The following MOV10L1 variants were observed in gnomAD, a reference collection of about 807,000 sequenced individuals.
The protein encoded by MOV10L1 is Mov10 like RNA helicase 1.
MOV10L1 carries 110 observed loss-of-function variants against 143.8 expected under a neutral mutation model. That is an observed-to-expected ratio of 0.76 (90% CI 0.66 to 0.90). MOV10L1 has a LOEUF of 0.90. Ranked by LOEUF, MOV10L1 falls within the 40% of genes least tolerant of loss-of-function variation. The probability of loss-of-function intolerance (pLI) is 0.00; values close to 1 mark genes in which losing one functional copy is unlikely to be tolerated. For missense variants in MOV10L1, 1,406 were observed against 1,526.8 expected (o/e 0.92, Z 1.32); for synonymous variants, 593 against 581.1 (o/e 1.02, Z -0.29).
At chr22:50,092,336 G>A in intron 2 of MOV10L1, 151 bp downstream of exon 2, 1 of 735,102 alleles carries the variant, frequency 1.4e-6, no homozygotes, top group Non-Finnish European at 2.2e-6. Context: ...TATGATTTAT[G>A]TTTTAAAAAA....
At chr22:50,133,029 C>T (rs915564336) in intron 13 of MOV10L1, among the ~76,000 whole-genome samples, 2 of 143,750 alleles carry the variant, frequency 1.4e-5, no homozygotes, top group South Asian at 2.3e-4. Context: ...AGCAAGCCTC[C>T]GTCTGAAAAA....
At chr22:50,099,816 A>T (rs1368944757) in intron 3 of MOV10L1, among the ~76,000 whole-genome samples, 7 of 152,006 alleles carry the variant, frequency 4.6e-5, no homozygotes, top group Non-Finnish European at 1.0e-4. Context: ...CTGTGTCTAT[A>T]TTTGTGATGG....
rs535707358 is a variant in MOV10L1 at position 50,147,245 on chromosome 22, G to A, written c.2627+1435G>A. The A allele has an allele frequency of 7.7e-3, 4,416 of 571,010 alleles. 105 individuals are homozygous for A. The highest frequency in any genetic ancestry group is 0.011 in the Non-Finnish European group (3,346 of 313,966). The allele number at this position is 571,010 out of a possible 1,614,324, so 35.4% of individuals were successfully genotyped here. On this transcript the variant is annotated intron_variant, in intron 19 of 26. Coordinates refer to ENST00000262794, the MANE Select transcript of MOV10L1 (RefSeq NM_018995.3). The stretch of plus-strand genomic sequence containing the variant: ...TGCTGCAGGCCGCTCTCTCAGAGGC[G>A]CTCTGTGCAGAAGCAGGGAGGGTGC...
At chr22:50,133,795 C>G (rs111384205) in intron 13 of MOV10L1, among the ~76,000 whole-genome samples, 1 of 152,090 alleles carries the variant, frequency 6.6e-6, no homozygotes, top group African/African-American at 2.4e-5. Flanking sequence ...CCACCCACCT[C>G]GGCCTCCCAA....
At chr22:50,099,357 A>G (rs1317843762) in intron 2 of MOV10L1, 86 bp from the exon 3 acceptor site, 4 of 1,491,192 alleles carry the variant, frequency 2.7e-6, no homozygotes, top group Non-Finnish European at 3.6e-6. Context: ...TGCAGCCCTA[A>G]TGGTCTCAGA....
intron 3 of MOV10L1, among the ~76,000 whole-genome samples, chr22:50,103,957 G>T (rs1445407986): frequency 6.6e-6 from 1 of 152,080 alleles, no homozygotes; most frequent in Non-Finnish European, 1.5e-5. Flanking sequence ...AATTTATAAG[G>T]AAATAATTAT....
chr22:50,144,243 G>T lies in MOV10L1; in HGVS notation c.2505G>T (p.Glu835Asp). The part of the protein sequence containing the change: ...VRVNATCRFE[E>D]IVIDAVKPYC... ...TGAACGCCACCTGCAGGTTCGAGGAGGTGAGCCCTTGGTGCAAGCAGTGGG... is the reference window on the plus strand; with the variant it reads ...TGAACGCCACCTGCAGGTTCGAGGATGTGAGCCCTTGGTGCAAGCAGTGGG... The change falls in exon 18 of 27, where the codon GAG becomes GAT. Residue 835 changes from glutamate (E) to aspartate (D), a missense_variant and splice_region_variant. By Grantham distance (45) the Glu-to-Asp change is conservative. Around this residue, in one of 3 missense-constraint regions of MOV10L1, gnomAD observed 1,233 missense variants for 1,351.4 expected, o/e 0.91. Coordinates refer to ENST00000262794, the MANE Select transcript of MOV10L1 (RefSeq NM_018995.3). 6.3e-7 allele frequency: 1 copy of T among 1,596,714 alleles called. No individual in the cohort carries two copies. Among genetic ancestry groups the T allele is most frequent in the Non-Finnish European group, 8.6e-7 (1 of 1,167,216 alleles).
intron 13 of MOV10L1, among the ~76,000 whole-genome samples, chr22:50,132,134 C>T (rs977459574): frequency 4.6e-5 from 7 of 152,238 alleles, no homozygotes; most frequent in African/African-American, 1.4e-4. Flanking sequence ...CTCAACTCCT[C>T]ATACCCAGTA....
At chr22:50,146,641 G>T (rs1384033460) in intron 19 of MOV10L1, among the ~76,000 whole-genome samples, 1 of 151,922 alleles carries the variant, frequency 6.6e-6, no homozygotes, top group Admixed American at 6.6e-5. Context: ...GCGTCACAGT[G>T]GTCGTGACCC....
rs749670700 is a variant in MOV10L1 at position 50,108,161 on chromosome 22, G to C, written c.468G>C (p.Trp156Cys). The change falls in exon 4 of 27, where the codon TGG becomes TGC. Residue 156 changes from tryptophan (W) to cysteine (C), a missense_variant. Physicochemically the swap from Trp to Cys is radical, Grantham distance 215. Transcript: ENST00000262794. ...GCTTCGAGCCCTGCAAGGGAGACTGGGTGGAGGCTGAGTACCGGATCCGGC... is the reference window on the plus strand; with the variant it reads ...GCTTCGAGCCCTGCAAGGGAGACTGCGTGGAGGCTGAGTACCGGATCCGGC... ...CEGFEPCKGD[W>C]VEAEYRIRPG... The C allele has an allele frequency of 6.8e-6, 11 of 1,613,962 alleles. No homozygotes were observed. The highest frequency in any genetic ancestry group is 4.2e-6 in the Non-Finnish European group (5 of 1,180,022).
In MOV10L1 at chr22:50,155,263, GT is replaced by G. The variant is rs199534596; in HGVS notation, c.3066+2060del. Among the ~76,000 whole-genome samples the G allele has an allele frequency of 9.3e-3, 1,280 of 137,792 alleles. 9 individuals are homozygous for G. The highest frequency in any genetic ancestry group is 0.02 in the African/African-American group (746 of 37,438). 90.4% of individuals were successfully genotyped at this position (137,792 alleles called of 152,430 possible). On this transcript the variant is annotated intron_variant, in intron 22 of 26. Transcript: ENST00000262794. ...CACTTTTTTGGGGGTTGTTTTGTGGGTTTTTTTTTTTTTTTGAGACAGAGTT... is the reference window on the plus strand; with the variant it reads ...CACTTTTTTGGGGGTTGTTTTGTGGGTTTTTTTTTTTTTTGAGACAGAGTT...
intron 9 of MOV10L1, 78 bp downstream of exon 9, chr22:50,117,429 C>T (rs902475405): frequency 1.1e-5 from 16 of 1,460,800 alleles, no homozygotes; most frequent in Middle Eastern, 4.9e-4. Context: ...CACTGGCAAG[C>T]GGTGGCTACC....
intron 3 of MOV10L1, among the ~76,000 whole-genome samples, chr22:50,103,347 C>T (rs999377929): frequency 6.6e-6 from 1 of 152,152 alleles, no homozygotes; most frequent in Non-Finnish European, 1.5e-5. Context: ...GTTTTATACA[C>T]GAATGTCTGG....
intron 19 of MOV10L1, among the ~76,000 whole-genome samples, chr22:50,147,851 T>G (rs2147392892): frequency 6.6e-6 from 1 of 152,378 alleles, no homozygotes; most frequent in African/African-American, 2.4e-5. Flanking sequence ...TTTCCACATC[T>G]TTCACTGGGA....
chr22:50,117,215 C>T lies in MOV10L1; in HGVS notation c.1318C>T (p.Arg440Ter), dbSNP rs41311449. The part of the protein sequence containing the change: ...LLCFSDFLIG[R>*]YLEVNVISGE... ...CTGTTTTTCCGATTTCCTAATTGGG[C>T]GATACCTTGAAGTAAATGTTATCAG... The change falls in exon 9 of 27, where the codon CGA (arginine) becomes TGA (stop). Residue 440 changes from arginine (R) to a stop codon, truncating the protein, a stop_gained. Coordinates refer to ENST00000262794, the MANE Select transcript of MOV10L1 (RefSeq NM_018995.3). LOFTEE classifies it high-confidence loss of function. 1.9e-5 allele frequency: 30 copies of T among 1,613,504 alleles called. No individual in the cohort carries two copies. The highest frequency in any genetic ancestry group is 2.4e-5 in the Non-Finnish European group (28 of 1,179,770).
chr22:50,145,356 A>G (rs1014742562), intron 18 of MOV10L1, among the ~76,000 whole-genome samples: 23 of 152,128 alleles, frequency 1.5e-4, no homozygotes, highest in Non-Finnish European at 4.4e-5. Context: ...TGGGAGGCAG[A>G]GGTTGCAGTG....
At chr22:50,153,701 C>A (rs1168489563) in intron 22 of MOV10L1, among the ~76,000 whole-genome samples, 1 of 152,222 alleles carries the variant, frequency 6.6e-6, no homozygotes, top group Non-Finnish European at 1.5e-5. Flanking sequence ...GACGGGCCAC[C>A]ACCCCCTCTC....
Position 50,090,437 on chromosome 22 carries a change from T to C in MOV10L1, c.97+252T>C, listed in dbSNP as rs761924070. ...ACCAGCCCCTCTTCCCGCCCTCACT[T>C]TGTGTGTTTACGCCGAGCAGCTGCC... On this transcript the variant is annotated intron_variant, in intron 1 of 26. Transcript: ENST00000262794. 5 of 1,600,308 alleles carry C rather than the reference T, an allele frequency of 3.1e-6. No individual in the cohort carries two copies. In the Admixed American group the frequency reaches 6.9e-5, roughly 22 times the overall value.
At chr22:50,143,386 G>A in intron 17 of MOV10L1, 165 bp downstream of exon 17, 2 of 784,536 alleles carry the variant, frequency 2.5e-6, no homozygotes, top group East Asian at 2.7e-5. Context: ...GATATGTAGG[G>A]ATTTAAAAGC....
Sources: allele counts gnomAD v4.1 joint callset (sites outside exome capture counted in the v4.1 genomes callset), GRCh38; gene constraint gnomAD v4.1.1; regional missense constraint gnomAD v4.1.1; transcripts MANE v1.5; gene names NCBI Gene and HGNC (gene_info 2026-07-23, HGNC 2026-07-21).